DIXDC1: variants seen among roughly 807,000 people sequenced by gnomAD.
The protein encoded by DIXDC1 is dixin.
Under a neutral mutation model 103.1 loss-of-function variants are expected in DIXDC1, and 64 were observed. The ratio of observed to expected loss-of-function variants is 0.62; its 90% CI spans 0.51 to 0.76. The LOEUF (loss-of-function observed/expected upper bound fraction) is 0.76. Among genes scored for constraint, DIXDC1 ranks in the 30% least tolerant of loss-of-function variants. The pLI is 0.00. For synonymous variants in DIXDC1, 266 were observed against 298.5 expected (o/e 0.89, Z 1.12); for missense variants, 759 against 834.2 (o/e 0.91, Z 1.11).
rs1860173385 is a variant in DIXDC1 at position 111,977,973 on chromosome 11, T to C, written c.657-2764T>C. Among the ~76,000 whole-genome samples the C allele has an allele frequency of 6.6e-6, 1 of 151,550 alleles. No homozygotes were observed. Among genetic ancestry groups the C allele is most frequent in the Non-Finnish European group, 1.5e-5 (1 of 67,856 alleles). ...GTGGGCGTAGGAAGTGGAGCCAGCA[T>C]GGGGGGAGGATGAGTAGCCCTTGCG... is the stretch of plus-strand genomic sequence containing the variant. On this transcript the variant is annotated intron_variant, in intron 5 of 19. Coordinates refer to ENST00000440460, the MANE Select transcript of DIXDC1 (RefSeq NM_001037954.4). The surrounding 1 kb of genome is among the most constrained non-coding windows in gnomAD (Gnocchi z 6.1).
rs1198014563 is a variant in DIXDC1 at position 111,958,600 on chromosome 11, G to A, written c.61-5949G>A. On this transcript the variant is annotated intron_variant, in intron 1 of 19. Coordinates refer to ENST00000440460, the MANE Select transcript of DIXDC1 (RefSeq NM_001037954.4). The surrounding 1 kb of genome is among the most constrained non-coding windows in gnomAD (Gnocchi z 4.2). ...TGGGCAGCTCAGCGCTGGTCTACACGTGCCCCTTGGCACGTGGCAGGAGGC... is the reference window on the plus strand; with the variant it reads ...TGGGCAGCTCAGCGCTGGTCTACACATGCCCCTTGGCACGTGGCAGGAGGC... 7.9e-5 allele frequency among the ~76,000 whole-genome samples: 12 copies of A among 152,190 alleles called. No homozygotes were observed. Among genetic ancestry groups the A allele is most frequent in the South Asian group, 4.1e-4 (2 of 4,832 alleles).
At chr11:111,946,051 C>T (rs1966582740) in intron 1 of DIXDC1, among the ~76,000 whole-genome samples, 1 of 151,846 alleles carries the variant, frequency 6.6e-6, no homozygotes, top group African/African-American at 2.4e-5. Context: ...ATTCTCCTGC[C>T]TTAGCCTCCC....
At chr11:111,984,915 T>C (rs1268228007) in intron 7 of DIXDC1, among the ~76,000 whole-genome samples, 1 of 152,204 alleles carries the variant, frequency 6.6e-6, no homozygotes, top group Non-Finnish European at 1.5e-5. Flanking sequence ...AAAATTGAGT[T>C]TGAGCAGCTC....
chr11:111,994,295 G>A (rs1008823584), intron 14 of DIXDC1, among the ~76,000 whole-genome samples: 2 of 152,108 alleles, frequency 1.3e-5, no homozygotes, highest in African/African-American at 4.8e-5. Context: ...GGCTGAGGCA[G>A]GAGAATAGCT....
intron 2 of DIXDC1, among the ~76,000 whole-genome samples, chr11:111,967,900 A>G (rs1033907393): frequency 1.3e-5 from 2 of 151,820 alleles, no homozygotes; most frequent in African/African-American, 4.8e-5. Context: ...CTAGGACTTG[A>G]CTCCTTGCTC....
intron 17 of DIXDC1, among the ~76,000 whole-genome samples, chr11:112,013,718 A>G (rs1861501378): frequency 6.6e-6 from 1 of 152,172 alleles, no homozygotes; most frequent in Non-Finnish European, 1.5e-5. Flanking sequence ...CTCCAGGGCT[A>G]CATCTTTCCT....
intron 10 of DIXDC1, among the ~76,000 whole-genome samples, chr11:111,991,558 A>G (rs1306642742): frequency 6.6e-6 from 1 of 152,212 alleles, no homozygotes; most frequent in Non-Finnish European, 1.5e-5. Flanking sequence ...CAAATATATT[A>G]GAATGCAGCC....
At chr11:111,973,920 C>A (rs782796577) in intron 3 of DIXDC1, 103 bp from the exon 4 acceptor site, 399 of 1,117,294 alleles carry the variant, frequency 3.6e-4, no homozygotes, top group Non-Finnish European at 4.6e-4. Context: ...GCCTTGCTTA[C>A]CTGTATCACT....
Position 111,992,943 on chromosome 11 carries a change from T to G in DIXDC1, c.1219-8T>G, listed in dbSNP as rs368914331. 6.2e-6 allele frequency: 10 copies of G among 1,605,026 alleles called. No individual in the cohort carries two copies. The African/African-American group carries it at 1.3e-4, about 21-fold the overall frequency. On this transcript the variant is annotated splice_region_variant and splice_polypyrimidine_tract_variant and intron_variant, in intron 11 of 19. Transcript: ENST00000440460. ...CTGCGTGCCATGAATTCTTTCTTAT[T>G]CTTGCAGGTGGATCTGCAGAGGAAG...
chr11:111,937,471 C>G lies in DIXDC1; in HGVS notation c.-29C>G, dbSNP rs782810618. On this transcript the variant is annotated 5_prime_UTR_variant, in exon 1 of 20. Coordinates refer to ENST00000440460, the MANE Select transcript of DIXDC1 (RefSeq NM_001037954.4). ...GCGGCGGCGGCCGCCGGGCTGGAGA[C>G]CCCGCCCGGGGAGCCCCCAGCAGGA... 3 of 1,564,560 alleles carry G rather than the reference C, an allele frequency of 1.9e-6. No individual in the cohort carries two copies. The highest frequency in any genetic ancestry group is 1.7e-6 in the Non-Finnish European group (2 of 1,155,226).
intron 1 of DIXDC1, among the ~76,000 whole-genome samples, chr11:111,944,789 ATGT>A (rs1216395328): frequency 2.0e-5 from 3 of 152,146 alleles, no homozygotes; most frequent in Non-Finnish European, 2.9e-5. Context: ...AACTCTTGTT[ATGT>A]CTACTGACTG....
chr11:111,982,314 T>C lies in DIXDC1; in HGVS notation c.770-25T>C, dbSNP rs782478847. On this transcript the variant is annotated intron_variant, in intron 6 of 19. Transcript: ENST00000440460. ...GAAATCAGTTTTCTTCAACATGAACTGTACTCCCTCTTTTCATTTTTTAGA... is the reference window on the plus strand; with the variant it reads ...GAAATCAGTTTTCTTCAACATGAACCGTACTCCCTCTTTTCATTTTTTAGA... 5 of 1,606,898 alleles carry C rather than the reference T, an allele frequency of 3.1e-6. No individual in the cohort carries two copies. The Admixed American group carries it at 5.2e-5, about 17-fold the overall frequency.
At chr11:111,984,108 G>T (rs1198652561) in intron 7 of DIXDC1, among the ~76,000 whole-genome samples, 7 of 152,134 alleles carry the variant, frequency 4.6e-5, no homozygotes, top group Non-Finnish European at 8.8e-5. Flanking sequence ...ATTATAAAAT[G>T]GGGTCACATT....
chr11:111,959,545 C>T (rs1859502931), intron 1 of DIXDC1, among the ~76,000 whole-genome samples: 1 of 152,246 alleles, frequency 6.6e-6, no homozygotes, highest in Non-Finnish European at 1.5e-5. Flanking sequence ...TCCACTTGCC[C>T]TTAGCAGGCA....
chr11:111,950,778 G>T (rs900651768), intron 1 of DIXDC1, among the ~76,000 whole-genome samples: 4 of 151,948 alleles, frequency 2.6e-5, no homozygotes, highest in Admixed American at 1.3e-4. Context: ...TATTTATGGG[G>T]TACATGAGGT....
chr11:111,944,872 A>G (rs1447900056), intron 1 of DIXDC1, among the ~76,000 whole-genome samples: 9 of 152,206 alleles, frequency 5.9e-5, no homozygotes, highest in African/African-American at 2.2e-4. Flanking sequence ...CATTTATTAC[A>G]CTGGCATCCT....
intron 17 of DIXDC1, among the ~76,000 whole-genome samples, chr11:112,012,512 A>C (rs1384262672): frequency 6.6e-6 from 1 of 152,216 alleles, no homozygotes; most frequent in Non-Finnish European, 1.5e-5. Context: ...TATTTTTTTA[A>C]GTGAGTTTGA....
rs1331782973 is a variant in DIXDC1 at position 111,992,454 on chromosome 11, G to C, written c.1153G>C (p.Val385Leu). ...QQRLTQQDTS[V>L]LQLKQELLRA... The stretch of plus-strand genomic sequence containing the variant: ...GAGATTGACTCAGCAGGACACATCT[G>C]TTCTTCAGCTCAAACAAGAGCTACT... Residue 385 changes from valine to leucine, a missense_variant, in exon 11 of 20, where the codon GTT (valine) becomes CTT (leucine). Coordinates refer to ENST00000440460, the MANE Select transcript of DIXDC1 (RefSeq NM_001037954.4). 1 of 1,583,816 alleles carries C rather than the reference G, an allele frequency of 6.3e-7. No individual in the cohort carries two copies. The highest frequency in any genetic ancestry group is 1.8e-5 in the Admixed American group (1 of 55,434).
chr11:111,980,672 A>G, intron 5 of DIXDC1, 65 bp from the exon 6 acceptor site: 1 of 1,362,782 alleles, frequency 7.3e-7, no homozygotes, highest in Non-Finnish European at 1.0e-6. Context: ...GGAATAAATT[A>G]TGAAAGCTGC....
Sources: allele counts gnomAD v4.1 joint callset (sites outside exome capture counted in the v4.1 genomes callset), GRCh38; gene constraint gnomAD v4.1.1; non-coding constraint Gnocchi (gnomAD v3.1); transcripts MANE v1.5; gene names NCBI Gene and HGNC (gene_info 2026-07-23, HGNC 2026-07-21).